Variants in CSMD1 observed in about 807,000 individuals in gnomAD.
The protein encoded by CSMD1 is CUB and Sushi multiple domains 1.
In CSMD1, 213 loss-of-function variants were observed where a neutral mutation model predicts 417.5. That is an observed-to-expected ratio of 0.51 (90% confidence interval 0.46 to 0.57). The LOEUF (loss-of-function observed/expected upper bound fraction) is 0.57. CSMD1 is among the 20% of genes least tolerant of loss of function. The pLI is 0.00. For synonymous variants in CSMD1, 2,862 were observed against 1,736.8 expected (o/e 1.65, Z -16.11); for missense variants, 6,923 against 4,529.7 (o/e 1.53, Z -15.17).
intron 3 of CSMD1, among the ~76,000 whole-genome samples, chr8:4,275,769 A>G (rs1220695200): frequency 6.6e-6 from 1 of 152,234 alleles, no homozygotes; most frequent in Non-Finnish European, 1.5e-5. Flanking sequence ...TTAGTCACAG[A>G]ATAAAAACTC....
At chr8:4,608,706 C>T (rs1470406568) in intron 2 of CSMD1, among the ~76,000 whole-genome samples, 1 of 152,154 alleles carries the variant, frequency 6.6e-6, no homozygotes, top group Admixed American at 6.5e-5. Flanking sequence ...AATTATCCTT[C>T]AGGCATTTCA....
chr8:3,473,026 G>T (rs764493913), intron 11 of CSMD1, among the ~76,000 whole-genome samples: 2 of 151,832 alleles, frequency 1.3e-5, no homozygotes, highest in Non-Finnish European at 2.9e-5. Flanking sequence ...CCTGGTTCTG[G>T]CATTTCATCT....
chr8:3,998,021 A>G lies in CSMD1; in HGVS notation c.700T>C (p.Cys234Arg). ...FPSEYENNAD[C>R]TWTILAEPGD... Reference sequence around the variant, plus strand: ...GGCTCAGCCAGAATGGTCCAGGTGCAGTCCGCGTTGTTCTCGTACTCTGAA... The same window carrying G: ...GGCTCAGCCAGAATGGTCCAGGTGCGGTCCGCGTTGTTCTCGTACTCTGAA... Residue 234 changes from cysteine to arginine, a missense_variant, in exon 5 of 70, where the codon TGC becomes CGC. Coordinates refer to ENST00000635120, the MANE Select transcript of CSMD1 (RefSeq NM_033225.6). 1 of 1,607,502 alleles carries G rather than the reference A, an allele frequency of 6.2e-7. No homozygotes were observed. The highest frequency in any genetic ancestry group is 8.5e-7 in the Non-Finnish European group (1 of 1,176,642).
chr8:4,815,428 G>A (rs563695849), intron 1 of CSMD1, among the ~76,000 whole-genome samples: 45 of 152,186 alleles, frequency 3.0e-4, no homozygotes, highest in African/African-American at 1.1e-3. Flanking sequence ...GGGCTTATTG[G>A]CTCAAGCCTA....
chr8:3,414,144 A>C (rs1409877818), intron 12 of CSMD1, among the ~76,000 whole-genome samples: 4 of 136,562 alleles, frequency 2.9e-5, no homozygotes, highest in Middle Eastern at 3.4e-3. Flanking sequence ...GTTAAAGAAA[A>C]GAAAAAAAAA....
At chr8:4,425,997 C>T (rs1006867305) in intron 2 of CSMD1, among the ~76,000 whole-genome samples, 3 of 151,020 alleles carry the variant, frequency 2.0e-5, no homozygotes, top group African/African-American at 7.3e-5. Context: ...AAGAGGTATA[C>T]ATTAAACATT....
chr8:3,136,263 T>C (rs1238192380), intron 41 of CSMD1, among the ~76,000 whole-genome samples: 2 of 151,318 alleles, frequency 1.3e-5, no homozygotes, highest in Non-Finnish European at 2.9e-5. Context: ...TCTTTTTTTT[T>C]TTTTGCCCCC....
Position 3,902,201 on chromosome 8 carries a change from T to G in CSMD1, c.818+95702A>C, listed in dbSNP as rs1358960125. On this transcript the variant is annotated intron_variant, in intron 5 of 69. Coordinates refer to ENST00000635120, the MANE Select transcript of CSMD1 (RefSeq NM_033225.6). Reference sequence around the variant, plus strand: ...AAATGGAGAATCTCACTTCTGATACTTCAGCATTTTCTATGATTTTCAGCC... The same window carrying G: ...AAATGGAGAATCTCACTTCTGATACGTCAGCATTTTCTATGATTTTCAGCC... 1.3e-5 allele frequency among the ~76,000 whole-genome samples: 2 copies of G among 152,174 alleles called. 1 individual carries two copies. Among genetic ancestry groups the G allele is most frequent in the Non-Finnish European group, 2.9e-5 (2 of 68,032 alleles).
rs1230000423 is a variant in CSMD1, at chr8:3,164,694, C to T, written c.5726-2417G>A. On this transcript the variant is annotated intron_variant, in intron 37 of 69. Transcript: ENST00000635120. ...CTACTTTAGGGTGATACTAAGTCAT[C>T]GTCATTCTGAGATACTTCAAGGACA... Among the ~76,000 whole-genome samples, 10 of 152,166 alleles carry T rather than the reference C, an allele frequency of 6.6e-5. No homozygotes were observed. The East Asian group carries it at 1.2e-3, about 18-fold the overall frequency.
At chr8:3,230,536 A>C (rs1251899440) in intron 26 of CSMD1, among the ~76,000 whole-genome samples, 1 of 152,170 alleles carries the variant, frequency 6.6e-6, no homozygotes, top group Non-Finnish European at 1.5e-5. Context: ...ACATACACAC[A>C]GACTGATTTT....
intron 1 of CSMD1, among the ~76,000 whole-genome samples, chr8:4,959,504 T>G (rs574417660): frequency 6.6e-6 from 1 of 152,356 alleles, no homozygotes; most frequent in South Asian, 2.1e-4. Flanking sequence ...TCTTCAAACG[T>G]ATCCAGAATC....
chr8:4,940,712 C>T (rs569886189), intron 1 of CSMD1, among the ~76,000 whole-genome samples: 1 of 152,292 alleles, frequency 6.6e-6, no homozygotes, highest in Non-Finnish European at 1.5e-5. Flanking sequence ...TTAAAATATG[C>T]ATGTTTTGCT....
chr8:3,296,282 C>G (rs1237874247), intron 25 of CSMD1, among the ~76,000 whole-genome samples: 3 of 151,626 alleles, frequency 2.0e-5, no homozygotes, highest in Non-Finnish European at 4.4e-5. Context: ...AGAATTCAGC[C>G]AAGCAGAAGC....
intron 4 of CSMD1, among the ~76,000 whole-genome samples, chr8:4,016,371 T>C (rs1035241182): frequency 6.6e-6 from 1 of 152,124 alleles, no homozygotes; most frequent in East Asian, 1.9e-4. Context: ...CTTGCCTGAA[T>C]TGGCTTCCCG....
chr8:3,584,867 C>A (rs753046801), intron 9 of CSMD1, among the ~76,000 whole-genome samples: 2 of 152,058 alleles, frequency 1.3e-5, no homozygotes, highest in Non-Finnish European at 2.9e-5. Flanking sequence ...CATCACCAGC[C>A]CTAGTGGGAA....
At chr8:3,301,316 A>G (rs988971333) in intron 25 of CSMD1, among the ~76,000 whole-genome samples, 6 of 152,092 alleles carry the variant, frequency 3.9e-5, no homozygotes, top group African/African-American at 1.4e-4. Flanking sequence ...GGTGGTGGGC[A>G]GGGAGGAGAG....
chr8:4,040,086 A>T (rs1330237734), intron 3 of CSMD1, among the ~76,000 whole-genome samples: 1 of 152,246 alleles, frequency 6.6e-6, no homozygotes, highest in Non-Finnish European at 1.5e-5. Flanking sequence ...TTTTCAAAGT[A>T]TACAGAGATT....
intron 26 of CSMD1, among the ~76,000 whole-genome samples, chr8:3,253,410 C>T (rs1442101327): frequency 6.6e-6 from 1 of 152,216 alleles, no homozygotes. Context: ...GTTATAATTT[C>T]TGTTCTTTTA....
intron 1 of CSMD1, among the ~76,000 whole-genome samples, chr8:4,795,234 G>T (rs995224078): frequency 2.3e-5 from 3 of 133,036 alleles, no homozygotes; most frequent in African/African-American, 8.3e-5. Flanking sequence ...CACATTTCTA[G>T]GTCTGCTGGT....
Sources: allele counts gnomAD v4.1 joint callset (sites outside exome capture counted in the v4.1 genomes callset), GRCh38; gene constraint gnomAD v4.1.1; transcripts MANE v1.5; gene names NCBI Gene and HGNC (gene_info 2026-07-23, HGNC 2026-07-21).